BABAM2: variants seen among roughly 807,000 people sequenced by gnomAD.
BABAM2 encodes the protein BRISC and BRCA1-A complex member 2.
Under a neutral mutation model 54.7 loss-of-function variants are expected in BABAM2, and 31 were observed. That is an observed-to-expected ratio of 0.57 (90% CI 0.43 to 0.77). The LOEUF is 0.77. BABAM2 is among the 30% of genes least tolerant of loss of function. The pLI, the probability that BABAM2 is intolerant of heterozygous loss-of-function variation, is 0.00. For synonymous variants in BABAM2, 167 were observed against 162.9 expected (o/e 1.03, Z -0.19); for missense variants, 364 against 455.8 (o/e 0.80, Z 1.83).
intron 4 of BABAM2, among the ~76,000 whole-genome samples, chr2:28,023,311 T>C (rs921853762): frequency 6.6e-6 from 1 of 152,186 alleles, no homozygotes; most frequent in African/African-American, 2.4e-5. Context: ...TTCTTTTTGC[T>C]CTAGTAGGGA....
At chr2:28,237,512 C>T (rs1256963937) in intron 8 of BABAM2, among the ~76,000 whole-genome samples, 6 of 152,124 alleles carry the variant, frequency 3.9e-5, no homozygotes, top group East Asian at 1.9e-4. Flanking sequence ...AGGATTCTGA[C>T]CTCCTTTTCC....
At chr2:28,296,260 G>A (rs1356500617) in intron 10 of BABAM2, among the ~76,000 whole-genome samples, 2 of 152,184 alleles carry the variant, frequency 1.3e-5, no homozygotes, top group Non-Finnish European at 2.9e-5. Context: ...ACTCAAAAGC[G>A]ATTTCTGAAT....
intron 7 of BABAM2, chr2:28,233,025 C>A: frequency 3.4e-6 from 1 of 292,562 alleles, no homozygotes; most frequent in Non-Finnish European, 7.1e-6. Flanking sequence ...AATTTATATC[C>A]ACAGATTAAG....
In BABAM2 at chr2:28,105,086, G is replaced by GT. The variant is rs1444587184; in HGVS notation, c.571-24184dup. ...GATAGCATTAGGGGATATACCTAAT[G>GT]TAAATGACGAGTTAATGGGTGCAGC... On this transcript the variant is annotated intron_variant, in intron 6 of 11. Coordinates refer to ENST00000379624, the MANE Select transcript of BABAM2 (RefSeq NM_199191.3). Among the ~76,000 whole-genome samples the GT allele has an allele frequency of 5.3e-5, 8 of 152,114 alleles. No homozygotes were observed. In the East Asian group the frequency reaches 7.7e-4, roughly 15 times the overall value.
At chr2:28,268,731 G>C (rs1221863712) in intron 10 of BABAM2, among the ~76,000 whole-genome samples, 1 of 152,152 alleles carries the variant, frequency 6.6e-6, no homozygotes, top group Non-Finnish European at 1.5e-5. Flanking sequence ...CCGTTGTTTG[G>C]ATCAGCCCTC....
chr2:28,056,541 G>A (rs1678441970), intron 6 of BABAM2, among the ~76,000 whole-genome samples: 1 of 151,768 alleles, frequency 6.6e-6, no homozygotes. Flanking sequence ...TATCTCAAAT[G>A]ATTATCAGTT....
intron 2 of BABAM2, among the ~76,000 whole-genome samples, chr2:27,918,143 A>T (rs545715348): frequency 6.6e-6 from 1 of 152,346 alleles, no homozygotes; most frequent in South Asian, 2.1e-4. Flanking sequence ...ATTTTTAAGC[A>T]TACAGTTCTG....
intron 10 of BABAM2, among the ~76,000 whole-genome samples, chr2:28,246,847 AACATTC>A (rs1214370888): frequency 1.3e-5 from 2 of 152,246 alleles, no homozygotes; most frequent in Non-Finnish European, 2.9e-5. Context: ...GAGATAAAAG[AACATTC>A]ACCTCTCAGC....
intron 2 of BABAM2, among the ~76,000 whole-genome samples, chr2:27,899,742 C>T (rs948216873): frequency 1.3e-5 from 2 of 152,328 alleles, no homozygotes; most frequent in Admixed American, 6.5e-5. Flanking sequence ...GCTGGGATTA[C>T]AGGCGTGAGC....
At chr2:28,023,046 A>T (rs1675390299) in intron 4 of BABAM2, among the ~76,000 whole-genome samples, 1 of 152,164 alleles carries the variant, frequency 6.6e-6, no homozygotes, top group Admixed American at 6.5e-5. Context: ...CTTGATTGGG[A>T]GTGTTTTCCA....
chr2:28,229,173 A>G (rs944060026), intron 7 of BABAM2, among the ~76,000 whole-genome samples: 3 of 152,218 alleles, frequency 2.0e-5, no homozygotes, highest in Non-Finnish European at 4.4e-5. Flanking sequence ...GATGTCAAGT[A>G]TGCAGATAAG....
intron 6 of BABAM2, among the ~76,000 whole-genome samples, chr2:28,124,352 T>C (rs1038598271): frequency 2.0e-5 from 3 of 152,160 alleles, no homozygotes; most frequent in African/African-American, 7.2e-5. Context: ...ACCCTGAGTG[T>C]TTTTTACAAT....
chr2:28,147,687 A>G (rs1671626433), intron 7 of BABAM2, among the ~76,000 whole-genome samples: 1 of 152,054 alleles, frequency 6.6e-6, no homozygotes, highest in South Asian at 2.1e-4. Context: ...GTTAGCCAGG[A>G]TGGTCTCGAT....
At chr2:28,073,156 C>T (rs964308100) in intron 6 of BABAM2, among the ~76,000 whole-genome samples, 5 of 152,102 alleles carry the variant, frequency 3.3e-5, no homozygotes, top group Non-Finnish European at 7.4e-5. Flanking sequence ...TAGATGATTT[C>T]CAAGCTTTCT....
chr2:28,253,401 C>CA (rs374215052), intron 10 of BABAM2, among the ~76,000 whole-genome samples: 31,168 of 128,646 alleles, frequency 0.24, 3,729 homozygotes, highest in African/African-American at 0.37. Flanking sequence ...GACTTTGTCT[C>CA]AAAAAAAAAA....
chr2:28,068,042 C>CTT (rs141146307), intron 6 of BABAM2, among the ~76,000 whole-genome samples: 15 of 147,012 alleles, frequency 1.0e-4, no homozygotes, highest in African/African-American at 2.7e-4. Flanking sequence ...GCTTTTTCTA[C>CTT]TTTTTTTTTT....
chr2:28,031,862 A>G (rs183714660), intron 5 of BABAM2, among the ~76,000 whole-genome samples: 1 of 152,332 alleles, frequency 6.6e-6, no homozygotes, highest in East Asian at 1.9e-4. Flanking sequence ...GGGACATGAC[A>G]TATATGGGGA....
At chr2:28,229,476 C>A (rs1681178096) in intron 7 of BABAM2, among the ~76,000 whole-genome samples, 1 of 152,212 alleles carries the variant, frequency 6.6e-6, no homozygotes, top group South Asian at 2.1e-4. Flanking sequence ...GTGGAGAATT[C>A]ATTTACCAAC....
chr2:28,261,542 G>A (rs191765964), intron 10 of BABAM2, among the ~76,000 whole-genome samples: 71 of 151,920 alleles, frequency 4.7e-4, no homozygotes, highest in African/African-American at 1.6e-3. Context: ...ATTTCACCCT[G>A]TTAGCCAGGA....
Sources: allele counts gnomAD v4.1 joint callset (sites outside exome capture counted in the v4.1 genomes callset), GRCh38; gene constraint gnomAD v4.1.1; transcripts MANE v1.5; gene names NCBI Gene and HGNC (gene_info 2026-07-23, HGNC 2026-07-21).